The following HLCS variants were observed in gnomAD, a reference collection of about 807,000 sequenced individuals.
HLCS encodes the protein holocarboxylase synthetase, also known as biotin--protein ligase.
In HLCS, 53 loss-of-function variants were observed where a neutral mutation model predicts 75.0. The observed-to-expected ratio is 0.71, with a 90% CI of 0.57 to 0.89. The LOEUF (loss-of-function observed/expected upper bound fraction) is 0.89, where lower values mean the gene tolerates loss of function less well. Ranked by LOEUF, HLCS falls within the 40% of genes least tolerant of loss-of-function variation. The pLI is 0.00. For synonymous variants in HLCS, 431 were observed against 428.6 expected (o/e 1.01, Z -0.07); for missense variants, 966 against 1,074.0 (o/e 0.90, Z 1.41).
chr21:36,908,519 T>C lies in HLCS; in HGVS notation c.1621-11388A>G, dbSNP rs115715506. On this transcript the variant is annotated intron_variant, in intron 5 of 10. Coordinates refer to ENST00000674895, the MANE Select transcript of HLCS (RefSeq NM_001352514.2). ...GTTTTGAAAAACAGTTGGCAGTTTC[T>C]TGTAAAGTTAAACACACACTTCTCA... Among the ~76,000 whole-genome samples the C allele has an allele frequency of 6.9e-3, 1,057 of 152,350 alleles. 14 individuals carry two copies. The highest frequency in any genetic ancestry group is 0.025 in the African/African-American group (1,029 of 41,576).
chr21:36,872,315 C>A (rs1012247226), intron 6 of HLCS, among the ~76,000 whole-genome samples: 12 of 147,292 alleles, frequency 8.1e-5, no homozygotes, highest in African/African-American at 1.3e-4. Flanking sequence ...CCCAGCTACT[C>A]GGGAGGCGGA....
chr21:36,795,093 G>T (rs568533602), intron 6 of HLCS, among the ~76,000 whole-genome samples: 5 of 152,088 alleles, frequency 3.3e-5, no homozygotes, highest in African/African-American at 1.2e-4. Context: ...GTCAGCCAGC[G>T]AATGAGTTGG....
intron 6 of HLCS, among the ~76,000 whole-genome samples, chr21:36,797,929 T>C (rs1465027556): frequency 6.6e-6 from 1 of 151,458 alleles, no homozygotes; most frequent in Non-Finnish European, 1.5e-5. Context: ...GCAGGAGGAG[T>C]CAGACACTCA....
rs2068589950 is a variant in HLCS, at chr21:36,966,463, A to C, written c.176T>G (p.Phe59Cys). The change falls in exon 1 of 11, where the codon TTC becomes TGC. Residue 59 changes from phenylalanine to cysteine, a missense_variant. By Grantham distance (205) the Phe-to-Cys change is radical. Transcript: ENST00000674895. ...GCCCACCTGGCTGTCGCTGACGCAG[A>C]AGACGCGGCCGCCACGGCTCAGGCA... ...RVCLSRGGRV[F>C]CVSDSQSIED... The C allele has an allele frequency of 4.9e-6, 4 of 820,854 alleles. No homozygotes were observed. The highest frequency in any genetic ancestry group is 1.9e-5 in the African/African-American group (1 of 51,538). The allele number at this position is 820,854 out of a possible 1,614,324, so 50.8% of individuals were successfully genotyped here.
At chr21:36,930,895 T>C (rs981597818) in intron 4 of HLCS, among the ~76,000 whole-genome samples, 4 of 152,204 alleles carry the variant, frequency 2.6e-5, no homozygotes, top group Non-Finnish European at 4.4e-5. Flanking sequence ...ACGGTGGAAA[T>C]GACCCTGGAC....
chr21:36,886,009 C>G (rs2064437028), intron 6 of HLCS, among the ~76,000 whole-genome samples: 1 of 152,048 alleles, frequency 6.6e-6, no homozygotes, highest in African/African-American at 2.4e-5. Flanking sequence ...GAACCACGGG[C>G]TGATATGCAA....
intron 4 of HLCS, among the ~76,000 whole-genome samples, chr21:36,932,349 G>A (rs1376181365): frequency 6.6e-6 from 1 of 152,072 alleles, no homozygotes; most frequent in African/African-American, 2.4e-5. Context: ...TCACTTAAGG[G>A]TGCAGTTTCC....
chr21:36,944,336 T>C (rs1235338331), intron 2 of HLCS, among the ~76,000 whole-genome samples: 1 of 152,104 alleles, frequency 6.6e-6, no homozygotes, highest in East Asian at 1.9e-4. Context: ...TAATTTACCA[T>C]GTCAAAAAGA....
upstream of HLCS, among the ~76,000 whole-genome samples, chr21:36,966,891 C>CGGCGAGGGGCAGCGCTGG (rs2068629973): frequency 7.1e-6 from 1 of 140,168 alleles, no homozygotes; most frequent in African/African-American, 2.7e-5. Context: ...CTGGTGGCGG[C>CGGCGAGGGGCAGCGCTGG]GGCGAGGGGC....
chr21:36,964,768 A>G (rs2068480262), intron 1 of HLCS, among the ~76,000 whole-genome samples: 1 of 152,212 alleles, frequency 6.6e-6, no homozygotes, highest in African/African-American at 2.4e-5. Context: ...AAAATGTTCA[A>G]AAGTAAAACT....
In HLCS at chr21:36,751,672, A is replaced by G. The variant is rs2089371536; in HGVS notation, c.*2574T>C. ...CTTCCTACTTCCACCACTCCCTAGC[A>G]GAGTTCCCAGTGCCAGAGAGCACTG... On this transcript the variant is annotated 3_prime_UTR_variant, in exon 11 of 11. Transcript: ENST00000674895. 1.3e-5 allele frequency: 2 copies of G among 152,248 alleles called. No individual in the cohort carries two copies. The highest frequency in any genetic ancestry group is 4.8e-5 in the African/African-American group (2 of 41,452). 9.4% of individuals were successfully genotyped at this position (152,248 alleles called of 1,614,324 possible).
chr21:36,937,535 T>A lies in HLCS; in HGVS notation c.494-143A>T, dbSNP rs1369491634. 7 of 768,010 alleles carry A rather than the reference T, an allele frequency of 9.1e-6. No homozygotes were observed. In the South Asian group the frequency reaches 1.1e-4, roughly 12 times the overall value. The allele number at this position is 768,010 out of a possible 1,614,324, so 47.6% of individuals were successfully genotyped here. ...GCCTCTGGCACGGCTCCCACCTGCA[T>A]CCCCCCTCAACTCGGGGGCATCCTT... is the stretch of plus-strand genomic sequence containing the variant. On this transcript the variant is annotated intron_variant, in intron 3 of 10. Transcript: ENST00000674895.
At chr21:36,880,316 G>T (rs979815709) in intron 6 of HLCS, among the ~76,000 whole-genome samples, 1 of 152,180 alleles carries the variant, frequency 6.6e-6, no homozygotes, top group African/African-American at 2.4e-5. Context: ...GAGGAGGCAG[G>T]AGAAGGAAGA....
chr21:36,831,399 G>A (rs2062204887), intron 6 of HLCS, among the ~76,000 whole-genome samples: 1 of 152,136 alleles, frequency 6.6e-6, no homozygotes, highest in Non-Finnish European at 1.5e-5. Flanking sequence ...AAAGTTACTG[G>A]GCCGGCATGG....
chr21:36,823,806 T>A (rs192238992), intron 6 of HLCS, among the ~76,000 whole-genome samples: 1 of 152,194 alleles, frequency 6.6e-6, no homozygotes, highest in Non-Finnish European at 1.5e-5. Context: ...TAGAGCTACA[T>A]GGACCAGGCC....
At chr21:36,824,712 G>A (rs1048464004) in intron 6 of HLCS, among the ~76,000 whole-genome samples, 1 of 152,128 alleles carries the variant, frequency 6.6e-6, no homozygotes, top group South Asian at 2.1e-4. Context: ...GGGATTTTAC[G>A]AGAACTAGAA....
chr21:36,830,199 C>G (rs986112948), intron 6 of HLCS, among the ~76,000 whole-genome samples: 3 of 152,152 alleles, frequency 2.0e-5, no homozygotes, highest in African/African-American at 7.2e-5. Flanking sequence ...CTCACGGCCT[C>G]AGAAGGAGCC....
chr21:36,790,712 G>T (rs1490436973), intron 6 of HLCS, among the ~76,000 whole-genome samples: 1 of 152,222 alleles, frequency 6.6e-6, no homozygotes, highest in African/African-American at 2.4e-5. Context: ...TCTGGGCTGT[G>T]AAGGCTCAGA....
chr21:36,944,588 TGTTTTGATTTTG>T (rs902910490), intron 2 of HLCS, among the ~76,000 whole-genome samples: 2 of 151,902 alleles, frequency 1.3e-5, no homozygotes, highest in African/African-American at 4.9e-5. Context: ...CCTGCTTCTT[TGTTTTGATTTTG>T]GTTTTGGTTT....
Sources: gnomAD v4.1 joint callset for allele counts (sites outside exome capture counted in the v4.1 genomes callset) on GRCh38, gnomAD v4.1.1 for gene constraint, MANE v1.5 for transcripts, NCBI Gene and HGNC (gene_info 2026-07-23, HGNC 2026-07-21) for gene names.